The following APBB2 variants were observed in gnomAD, a reference collection of about 807,000 sequenced individuals.
APBB2 encodes the protein amyloid beta precursor protein binding family B member 2, also known as Fe65-like 1.
A neutral mutation model predicts 82.5 loss-of-function variants in APBB2; 38 were observed. That is an observed-to-expected ratio of 0.46 (90% CI 0.36 to 0.60). APBB2 has a LOEUF of 0.60. Among genes scored for constraint, APBB2 ranks in the 20% least tolerant of loss-of-function variants. APBB2 has a pLI of 0.00. For synonymous variants in APBB2, 341 were observed against 368.2 expected (o/e 0.93, Z 0.85); for missense variants, 772 against 972.3 (o/e 0.79, Z 2.74).
intron 4 of APBB2, among the ~76,000 whole-genome samples, chr4:41,035,630 A>G (rs949031883): frequency 6.6e-6 from 1 of 152,256 alleles, no homozygotes; most frequent in Non-Finnish European, 1.5e-5. Flanking sequence ...TAGTGTGAGC[A>G]TTCTGAAAAG....
intron 10 of APBB2, among the ~76,000 whole-genome samples, chr4:40,929,308 T>C (rs947894344): frequency 6.6e-6 from 1 of 151,970 alleles, no homozygotes; most frequent in Non-Finnish European, 1.5e-5. Context: ...AAGGGGAAAT[T>C]ATTTATTTAT....
At chr4:41,133,770 G>A (rs1196765500) in intron 2 of APBB2, among the ~76,000 whole-genome samples, 1 of 152,134 alleles carries the variant, frequency 6.6e-6, no homozygotes, top group Non-Finnish European at 1.5e-5. Flanking sequence ...AAAAATTCTA[G>A]GCAGCTCCCA....
chr4:40,996,690 T>G (rs1020592026), intron 6 of APBB2, among the ~76,000 whole-genome samples: 3 of 152,194 alleles, frequency 2.0e-5, no homozygotes, highest in African/African-American at 7.2e-5. Flanking sequence ...TTGATTCTAC[T>G]CACTCCCTCT....
At chr4:40,967,347 C>T (rs1025115402) in intron 6 of APBB2, among the ~76,000 whole-genome samples, 7 of 152,326 alleles carry the variant, frequency 4.6e-5, no homozygotes, top group African/African-American at 1.2e-4. Context: ...GGTTGAAACA[C>T]GCCCCTTGCT....
At chr4:41,071,366 T>A (rs946412133) in intron 3 of APBB2, among the ~76,000 whole-genome samples, 1 of 152,156 alleles carries the variant, frequency 6.6e-6, no homozygotes, top group Non-Finnish European at 1.5e-5. Context: ...TATAGTACAA[T>A]ATAATTTCTG....
At chr4:41,105,787 G>A (rs369516587) in intron 2 of APBB2, among the ~76,000 whole-genome samples, 3 of 151,812 alleles carry the variant, frequency 2.0e-5, no homozygotes, top group East Asian at 3.9e-4. Context: ...TCAGGAGGCT[G>A]AGGCAGGAGA....
At chr4:41,033,656 AC>A (rs1717991903) in intron 4 of APBB2, among the ~76,000 whole-genome samples, 1 of 151,768 alleles carries the variant, frequency 6.6e-6, no homozygotes, top group Non-Finnish European at 1.5e-5. Context: ...AAAAATTGGT[AC>A]ATTTTGCCAC....
rs1771655130 is a variant in APBB2 at position 40,890,428 on chromosome 4, T to C, written c.1465A>G (p.Ser489Gly). ...ACGATGGGCTGCGAGTGCAGCACGC[T>C]GCGGTCCATGGGGTCCACCAGGCTG... is the stretch of plus-strand genomic sequence containing the variant. Reference protein sequence around the residue: ...MLSLVDPMDRSVLHSQPIVSI... With the variant: ...MLSLVDPMDRGVLHSQPIVSI... The change falls in exon 12 of 18, where the codon AGC (serine) becomes GGC (glycine). Residue 489 changes from serine (S) to glycine (G), a missense_variant. Physicochemically the swap from Ser to Gly is moderately conservative, Grantham distance 56 (BLOSUM62 0). Transcript: ENST00000508593. The C allele has an allele frequency of 6.2e-7, 1 of 1,613,960 alleles. No homozygotes were observed. The highest frequency in any genetic ancestry group is 8.5e-7 in the Non-Finnish European group (1 of 1,180,036).
At chr4:41,046,122 G>A (rs1219232110) in intron 4 of APBB2, among the ~76,000 whole-genome samples, 5 of 152,070 alleles carry the variant, frequency 3.3e-5, no homozygotes, top group Admixed American at 6.5e-5. Flanking sequence ...TCTTCTATTC[G>A]TAAATGAAAA....
intron 1 of APBB2, among the ~76,000 whole-genome samples, chr4:41,200,542 T>G (rs2154075947): frequency 6.6e-6 from 1 of 152,324 alleles, no homozygotes; most frequent in Middle Eastern, 3.4e-3. Context: ...TGCTCTCCCC[T>G]GGCGGCTGGA....
intron 4 of APBB2, among the ~76,000 whole-genome samples, chr4:41,033,629 C>T (rs1717964309): frequency 1.4e-5 from 2 of 138,270 alleles, no homozygotes; most frequent in Admixed American, 7.1e-5. Flanking sequence ...CACAATTCAG[C>T]ACCACTACAG....
At chr4:40,930,448 T>C (rs147529947) in intron 10 of APBB2, among the ~76,000 whole-genome samples, 914 of 66,498 alleles carry the variant, frequency 0.014, 4 homozygotes, top group African/African-American at 0.04. Flanking sequence ...TGTGTGTGTG[T>C]GCGCGCGCGC....
At chr4:40,920,903 C>T (rs1246268152) in intron 10 of APBB2, among the ~76,000 whole-genome samples, 1 of 152,068 alleles carries the variant, frequency 6.6e-6, no homozygotes, top group African/African-American at 2.4e-5. Context: ...AGGCCAGGGA[C>T]GGGCTGACCT....
At chr4:40,867,316 A>G (rs1474581565) in intron 12 of APBB2, among the ~76,000 whole-genome samples, 3 of 152,220 alleles carry the variant, frequency 2.0e-5, no homozygotes, top group Non-Finnish European at 4.4e-5. Context: ...ACTATTTGTT[A>G]GCTTTGTATA....
intron 10 of APBB2, among the ~76,000 whole-genome samples, chr4:40,933,496 A>C (rs1055237842): frequency 6.6e-6 from 1 of 152,116 alleles, no homozygotes; most frequent in Non-Finnish European, 1.5e-5. Flanking sequence ...ACCCCCACTG[A>C]GTCGCCTGTG....
chr4:41,013,179 T>C (rs1427522446), intron 6 of APBB2, among the ~76,000 whole-genome samples: 2 of 152,238 alleles, frequency 1.3e-5, no homozygotes, highest in Non-Finnish European at 2.9e-5. Flanking sequence ...AATAGTTCTC[T>C]TAATTGGGTT....
At chr4:40,903,793 C>G (rs1319094287) in intron 10 of APBB2, among the ~76,000 whole-genome samples, 1 of 152,120 alleles carries the variant, frequency 6.6e-6, no homozygotes, top group Non-Finnish European at 1.5e-5. Context: ...ACATGGTGAT[C>G]CCGGCTGCTG....
chr4:40,931,763 C>G (rs1185288441), intron 10 of APBB2, among the ~76,000 whole-genome samples: 2 of 151,708 alleles, frequency 1.3e-5, no homozygotes, highest in African/African-American at 4.8e-5. Flanking sequence ...CCAGCCCAGA[C>G]TGATGCACTG....
At chr4:41,177,741 T>C (rs1038512293) in intron 1 of APBB2, 20 of 152,196 alleles carry the variant, frequency 1.3e-4, no homozygotes, top group Admixed American at 9.2e-4. Flanking sequence ...ACAGTGGTTG[T>C]TGGGAGTTAA....
Sources: allele counts gnomAD v4.1 joint callset (sites outside exome capture counted in the v4.1 genomes callset), GRCh38; gene constraint gnomAD v4.1.1; transcripts MANE v1.5; gene names NCBI Gene and HGNC (gene_info 2026-07-23, HGNC 2026-07-21).